MDFI: variants seen among roughly 807,000 people sequenced by gnomAD.
MDFI encodes MyoD family inhibitor.
In MDFI, 16 loss-of-function variants were observed where a neutral mutation model predicts 22.3. That is an observed-to-expected ratio of 0.72 (90% CI 0.49 to 1.09). The LOEUF (loss-of-function observed/expected upper bound fraction) is 1.09. MDFI is among the 50% of genes least tolerant of loss of function. The pLI, the probability that MDFI is intolerant of heterozygous loss-of-function variation, is 0.00. For missense variants in MDFI, 314 were observed against 326.1 expected (o/e 0.96, Z 0.29); for synonymous variants, 145 against 142.7 (o/e 1.02, Z -0.12).
upstream of MDFI, chr6:41,637,132 T>G (rs1270779770): frequency 1.3e-5 from 2 of 152,034 alleles, no homozygotes; most frequent in African/African-American, 4.8e-5. The surrounding 1 kb of genome is among the most constrained non-coding windows in gnomAD (Gnocchi z 6.8). Context: ...AACACTCTCT[T>G]CTTGTCCCGC....
At chr6:41,646,368 A>C in intron 3 of MDFI, 60 bp downstream of exon 3, 1 of 1,344,480 alleles carries the variant, frequency 7.4e-7, no homozygotes, top group Non-Finnish European at 9.6e-7. Flanking sequence ...TAGGGAACTC[A>C]ACCCAAATGG....
At chr6:41,651,449 G>A (rs191419985) in intron 4 of MDFI, among the ~76,000 whole-genome samples, 3 of 149,484 alleles carry the variant, frequency 2.0e-5, no homozygotes, top group South Asian at 2.2e-4. Context: ...GAGAGCATGC[G>A]CACAGAGCTG....
rs977140581 is a variant in MDFI at position 41,638,640 on chromosome 6, A to G, written c.-24A>G. The G allele has an allele frequency of 7.8e-7, 1 of 1,274,654 alleles. No individual in the cohort carries two copies. Among genetic ancestry groups the G allele is most frequent in the Non-Finnish European group, 1.1e-6 (1 of 923,084 alleles). The allele number at this position is 1,274,654 out of a possible 1,614,324, so 79.0% of individuals were successfully genotyped here. A position where few individuals can be genotyped will look rare whatever the true frequency, so the allele number is the denominator to read the frequency against. ...GGATCCGGCTGGAAGAGAGCGTAGC[A>G]CGGCTCGCACGAGTGAGTGGACGTG... On this transcript the variant is annotated 5_prime_UTR_variant, in exon 1 of 5. Transcript: ENST00000230321. The surrounding 1 kb of genome is among the most constrained non-coding windows in gnomAD (Gnocchi z 7.6).
intron 2 of MDFI, 68 bp from the exon 3 acceptor site, chr6:41,646,058 G>A (rs1226678268): frequency 9.0e-6 from 12 of 1,338,658 alleles, no homozygotes; most frequent in African/African-American, 1.5e-5. Context: ...GCTGTGGGGC[G>A]GGGCCCACGG....
Position 41,646,144 on chromosome 6 carries a change from T to C in MDFI, c.95T>C (p.Leu32Pro), listed in dbSNP as rs1468715007. ...TTCCTAGCCCAGACCCTATCCCTCC[T>C]TCCTGGGCTGGAGGTAGTAACAGGA... ...APGPAQTLSL[L>P]PGLEVVTGST... is the part of the protein sequence containing the mutation. The change falls in exon 3 of 5, where the codon CTT (leucine) becomes CCT (proline). Residue 32 changes from leucine to proline, a missense_variant. Leu to Pro is a moderately conservative substitution (Grantham distance 98). Transcript: ENST00000230321. 2 of 1,543,468 alleles carry C rather than the reference T, an allele frequency of 1.3e-6. No individual in the cohort carries two copies. Among genetic ancestry groups the C allele is most frequent in the Non-Finnish European group, 1.7e-6 (2 of 1,147,482 alleles).
intron 4 of MDFI, among the ~76,000 whole-genome samples, chr6:41,651,337 G>A (rs1468574373): frequency 6.7e-6 from 1 of 149,366 alleles, no homozygotes; most frequent in Non-Finnish European, 1.5e-5. Flanking sequence ...AAACACAGGG[G>A]GACCACTCAC....
intron 2 of MDFI, among the ~76,000 whole-genome samples, chr6:41,645,303 GGGCCCT>G (rs1360950506): frequency 6.6e-6 from 1 of 151,972 alleles, no homozygotes; most frequent in African/African-American, 2.4e-5. Context: ...CTGAGCCTAG[GGGCCCT>G]AGTCCTGCAG....
At chr6:41,641,447 A>G (rs557121932) in intron 2 of MDFI, among the ~76,000 whole-genome samples, 29 of 152,312 alleles carry the variant, frequency 1.9e-4, no homozygotes, top group African/African-American at 6.5e-4. Flanking sequence ...GGTCAACAGG[A>G]ATAATATAAG....
chr6:41,647,451 G>A (rs919892093), intron 3 of MDFI, among the ~76,000 whole-genome samples: 2 of 152,224 alleles, frequency 1.3e-5, no homozygotes, highest in Non-Finnish European at 2.9e-5. Context: ...CAGTCACCCT[G>A]TGTGGGGCCA....
In MDFI at chr6:41,653,918, G is replaced by T; in HGVS notation, c.*343G>T. ...GCCAGGGCTGGGGAACACTGTGAAA[G>T]TTACTTGGGGAGGGTGGGCCGGTGG... On this transcript the variant is annotated 3_prime_UTR_variant, in exon 5 of 5. Coordinates refer to ENST00000230321, the MANE Select transcript of MDFI (RefSeq NM_005586.4). The surrounding 1 kb of genome is among the most constrained non-coding windows in gnomAD (Gnocchi z 4.2). 2 of 342,412 alleles carry T rather than the reference G, an allele frequency of 5.8e-6. No homozygotes were observed. Among genetic ancestry groups the T allele is most frequent in the Non-Finnish European group, 1.1e-5 (2 of 184,080 alleles). The allele number at this position is 342,412 out of a possible 1,614,324, so 21.2% of individuals were successfully genotyped here. A position where few individuals can be genotyped will look rare whatever the true frequency, so the allele number is the denominator to read the frequency against.
chr6:41,639,521 G>T, intron 2 of MDFI: 1 of 985,442 alleles, frequency 1.0e-6, no homozygotes, highest in Non-Finnish European at 1.2e-6. Context: ...CCCTGAAGGG[G>T]TTTGGAGTAG....
Position 41,646,214 on chromosome 6 carries a change from G to T in MDFI, c.165G>T (p.Glu55Asp), listed in dbSNP as rs765852398. The T allele has an allele frequency of 6.3e-7, 1 of 1,594,356 alleles. No homozygotes were observed. Among genetic ancestry groups the T allele is most frequent in the African/African-American group, 1.3e-5 (1 of 74,182 alleles). Residue 55 changes from glutamate to aspartate, a missense_variant, in exon 3 of 5, where the codon GAG (glutamate) becomes GAT (aspartate). By Grantham distance (45) the Glu-to-Asp change is conservative. Coordinates refer to ENST00000230321, the MANE Select transcript of MDFI (RefSeq NM_005586.4). ...CAGCACCAGAGGAGGGCTCCCTGGA[G>T]GAGGCGGCAACCCCCATGCCCCAAG... is the stretch of plus-strand genomic sequence containing the variant. ...AEAAPEEGSL[E>D]EAATPMPQGN...
In MDFI at chr6:41,653,660, C is replaced by A; in HGVS notation, c.*85C>A. On this transcript the variant is annotated 3_prime_UTR_variant, in exon 5 of 5. Transcript: ENST00000230321. The surrounding 1 kb of genome is among the most constrained non-coding windows in gnomAD (Gnocchi z 4.2). ...AGTGGGGCCAGGCCCAGGACTGTCA[C>A]ACAAGGCTTGAGAAGCCCCCTCTCC... The A allele has an allele frequency of 6.5e-7, 1 of 1,540,710 alleles. No individual in the cohort carries two copies. Among genetic ancestry groups the A allele is most frequent in the Non-Finnish European group, 8.8e-7 (1 of 1,140,614 alleles).
At chr6:41,643,558 G>GAAGGA (rs1767932203) in intron 2 of MDFI, among the ~76,000 whole-genome samples, 2 of 104,892 alleles carry the variant, frequency 1.9e-5, no homozygotes, top group African/African-American at 7.3e-5. Context: ...GGGAAGGAAG[G>GAAGGA]AAGGAAGGAA....
upstream of MDFI, chr6:41,638,410 A>C (rs1767711239): frequency 2.9e-4 from 77 of 267,292 alleles, no homozygotes; most frequent in East Asian, 4.8e-4. This position sits in a 1 kb window ranked among gnomAD's most constrained non-coding sequence, Gnocchi z 7.6. Flanking sequence ...GGGCCAGGGA[A>C]GAGGGGAGGG....
intron 2 of MDFI, among the ~76,000 whole-genome samples, chr6:41,641,199 C>T (rs765628710): frequency 6.6e-6 from 1 of 152,204 alleles, no homozygotes; most frequent in African/African-American, 2.4e-5. Context: ...AGGCATTTGC[C>T]GAGTGCCCCC....
chr6:41,639,739 C>G, intron 2 of MDFI: 4 of 985,448 alleles, frequency 4.1e-6, no homozygotes, highest in Non-Finnish European at 4.8e-6. Flanking sequence ...CCACCAGCGC[C>G]ATTCCCCCTT....
At chr6:41,643,580 G>GGGAA (rs1767938379) in intron 2 of MDFI, among the ~76,000 whole-genome samples, 1 of 43,020 alleles carries the variant, frequency 2.3e-5, no homozygotes, top group Admixed American at 2.5e-4. Flanking sequence ...GAAGGAAGGA[G>GGGAA]GGAGGGAGGG....
chr6:41,640,464 T>C (rs942595442), intron 2 of MDFI, among the ~76,000 whole-genome samples: 1 of 151,988 alleles, frequency 6.6e-6, no homozygotes, highest in Non-Finnish European at 1.5e-5. Context: ...GCAGACCCCC[T>C]CCCCAGCCTG....
Sources: gnomAD v4.1 joint callset for allele counts (sites outside exome capture counted in the v4.1 genomes callset) on GRCh38, gnomAD v4.1.1 for gene constraint, Gnocchi (gnomAD v3.1) non-coding constraint, MANE v1.5 for transcripts, NCBI Gene and HGNC (gene_info 2026-07-23, HGNC 2026-07-21) for gene names.